Variants in ROBO1 observed in about 807,000 individuals in gnomAD.
ROBO1 encodes roundabout homolog 1.
In ROBO1, 149 loss-of-function variants were observed where a neutral mutation model predicts 195.9. That is an observed-to-expected ratio of 0.76 (90% CI 0.67 to 0.87). The LOEUF (loss-of-function observed/expected upper bound fraction) is 0.87. Ranked by LOEUF, ROBO1 falls within the 40% of genes least tolerant of loss-of-function variation. The pLI, the probability that ROBO1 is intolerant of heterozygous loss-of-function variation, is 0.00. For synonymous variants in ROBO1, 816 were observed against 733.2 expected (o/e 1.11, Z -1.82); for missense variants, 1,933 against 2,068.3 (o/e 0.93, Z 1.27).
intron 2 of ROBO1, among the ~76,000 whole-genome samples, chr3:79,320,083 C>A (rs956618922): frequency 3.3e-5 from 5 of 152,106 alleles, no homozygotes; most frequent in African/African-American, 9.7e-5. Flanking sequence ...GTACCATAGA[C>A]CATGGACATA....
intron 3 of ROBO1, among the ~76,000 whole-genome samples, chr3:79,061,014 G>C (rs1053120347): frequency 1.3e-5 from 2 of 152,086 alleles, no homozygotes; most frequent in African/African-American, 2.4e-5. Context: ...ATCAGGCCAA[G>C]AGAAATAAAT....
intron 2 of ROBO1, among the ~76,000 whole-genome samples, chr3:79,482,413 G>A (rs145611312): frequency 2.0e-5 from 3 of 152,226 alleles, no homozygotes; most frequent in Admixed American, 6.5e-5. Context: ...TCATGGTAGT[G>A]AATAAGTCTC....
intron 1 of ROBO1, among the ~76,000 whole-genome samples, chr3:79,608,727 C>A (rs80260483): frequency 0.027 from 4,053 of 151,872 alleles, 89 homozygotes; most frequent in Middle Eastern, 0.1. Flanking sequence ...AACAAAGGAG[C>A]AATTTCTGTT....
chr3:79,584,568 C>A (rs1390383627), intron 2 of ROBO1, among the ~76,000 whole-genome samples: 1 of 150,166 alleles, frequency 6.7e-6, no homozygotes, highest in African/African-American at 2.5e-5. Flanking sequence ...GATAAATGTC[C>A]TAAGTATGTA....
intron 3 of ROBO1, among the ~76,000 whole-genome samples, chr3:78,940,359 A>G (rs1183597592): frequency 6.6e-6 from 1 of 152,212 alleles, no homozygotes; most frequent in Non-Finnish European, 1.5e-5. Context: ...CTGAAATGCA[A>G]ATATAATGTG....
intron 28 of ROBO1, 166 bp from the exon 29 acceptor site, chr3:78,607,207 T>C: frequency 1.6e-6 from 1 of 639,044 alleles, no homozygotes; most frequent in Non-Finnish European, 2.6e-6. Context: ...TTTTAAAATT[T>C]ATGTTTATTT....
At chr3:79,749,258 T>C (rs1704017429) in intron 1 of ROBO1, among the ~76,000 whole-genome samples, 1 of 152,128 alleles carries the variant, frequency 6.6e-6, no homozygotes, top group African/African-American at 2.4e-5. Context: ...TGATTTAAGG[T>C]ATCTGGCAGA....
intron 1 of ROBO1, among the ~76,000 whole-genome samples, chr3:79,733,716 T>G (rs1186994855): frequency 1.3e-5 from 2 of 152,340 alleles, no homozygotes; most frequent in African/African-American, 4.8e-5. Context: ...GGAGTATTTT[T>G]GCTGTACTAT....
intron 2 of ROBO1, among the ~76,000 whole-genome samples, chr3:79,563,517 C>A (rs1661590732): frequency 6.6e-6 from 1 of 151,968 alleles, no homozygotes; most frequent in South Asian, 2.1e-4. Context: ...GGCATATATA[C>A]TCTGTAAACA....
intron 2 of ROBO1, among the ~76,000 whole-genome samples, chr3:79,439,248 G>A (rs1021952061): frequency 2.6e-5 from 4 of 152,000 alleles, no homozygotes; most frequent in Non-Finnish European, 5.9e-5. Context: ...ATTTCGTACT[G>A]TGGAATATTA....
At chr3:78,991,082 A>G (rs936306729) in intron 3 of ROBO1, among the ~76,000 whole-genome samples, 6 of 152,180 alleles carry the variant, frequency 3.9e-5, no homozygotes, top group African/African-American at 1.4e-4. Flanking sequence ...AAATCTAAAT[A>G]TAAATTATAT....
chr3:78,762,825 C>G (rs554363122), intron 4 of ROBO1, among the ~76,000 whole-genome samples: 35 of 152,048 alleles, frequency 2.3e-4, no homozygotes, highest in Middle Eastern at 6.8e-3. Flanking sequence ...GATATTATTT[C>G]TCTTTGCTTA....
intron 5 of ROBO1, among the ~76,000 whole-genome samples, chr3:78,725,796 TA>T: frequency 6.6e-6 from 1 of 152,334 alleles, no homozygotes; most frequent in South Asian, 2.1e-4. Flanking sequence ...TTGATTGGGT[TA>T]TCCGAGAGTA....
intron 1 of ROBO1, among the ~76,000 whole-genome samples, chr3:79,610,688 T>C (rs1944630754): frequency 6.6e-6 from 1 of 151,964 alleles, no homozygotes; most frequent in Non-Finnish European, 1.5e-5. Flanking sequence ...AGACGAGATA[T>C]CATACTTTGC....
At chr3:79,296,708 C>T (rs904789319) in intron 2 of ROBO1, among the ~76,000 whole-genome samples, 1 of 152,100 alleles carries the variant, frequency 6.6e-6, no homozygotes, top group African/African-American at 2.4e-5. Flanking sequence ...ACAGACATGG[C>T]CTTTGGGAGT....
At chr3:79,584,133 C>G (rs146507849) in intron 2 of ROBO1, among the ~76,000 whole-genome samples, 2 of 151,656 alleles carry the variant, frequency 1.3e-5, no homozygotes, top group African/African-American at 4.8e-5. Context: ...TATTTCACAT[C>G]GGTGAAAGAA....
rs139030162 is a variant in ROBO1, at chr3:79,055,229, G to A, written c.172+70227C>T. 3.5e-3 allele frequency among the ~76,000 whole-genome samples: 526 copies of A among 152,156 alleles called. 4 individuals carry two copies. The highest frequency in any genetic ancestry group is 0.012 in the African/African-American group (498 of 41,522). ...CTGCCAAGGTTCCTGTTTCCGTTCC[G>A]GCCAGTGAGTCAATTGCTCAACTGC... is the stretch of plus-strand genomic sequence containing the variant. On this transcript the variant is annotated intron_variant, in intron 3 of 30. Coordinates refer to ENST00000464233, the MANE Select transcript of ROBO1 (RefSeq NM_002941.4).
intron 2 of ROBO1, among the ~76,000 whole-genome samples, chr3:79,438,043 G>C (rs759159479): frequency 1.3e-5 from 2 of 151,670 alleles, no homozygotes; most frequent in African/African-American, 4.8e-5. Flanking sequence ...TGAAATCAGT[G>C]CTAATATAAA....
intron 19 of ROBO1, among the ~76,000 whole-genome samples, chr3:78,649,215 C>T (rs1171547617): frequency 6.6e-6 from 1 of 151,748 alleles, no homozygotes; most frequent in East Asian, 1.9e-4. Context: ...ATCACAAGGA[C>T]ACCGGGAAAA....
Sources: allele counts gnomAD v4.1 joint callset (sites outside exome capture counted in the v4.1 genomes callset), GRCh38; gene constraint gnomAD v4.1.1; transcripts MANE v1.5; gene names NCBI Gene and HGNC (gene_info 2026-07-23, HGNC 2026-07-21).